The following NPC1 variants were observed in gnomAD, a reference collection of about 807,000 sequenced individuals.
NPC1 encodes the protein NPC intracellular cholesterol transporter 1.
Under a neutral mutation model 140.4 loss-of-function variants are expected in NPC1, and 85 were observed. The observed-to-expected ratio is 0.61, with a 90% CI of 0.51 to 0.72. The LOEUF (loss-of-function observed/expected upper bound fraction) is 0.72, where lower values mean the gene tolerates loss of function less well. Among genes scored for constraint, NPC1 ranks in the 30% least tolerant of loss-of-function variants. The pLI, the probability that NPC1 is intolerant of heterozygous loss-of-function variation, is 0.00. For synonymous variants in NPC1, 656 were observed against 624.8 expected (o/e 1.05, Z -0.74); for missense variants, 1,504 against 1,623.8 (o/e 0.93, Z 1.27).
At chr18:23,506,861 A>T in intron 3 of NPC1, 1 of 746,420 alleles carries the variant, frequency 1.3e-6, no homozygotes, top group Non-Finnish European at 2.3e-6. Flanking sequence ...TTAATTTTAG[A>T]CTAGAATTTG....
intron 17 of NPC1, 29 bp from the exon 18 acceptor site, chr18:23,540,030 A>T (rs751169230): frequency 1.1e-5 from 17 of 1,576,924 alleles, no homozygotes; most frequent in East Asian, 2.2e-5. Context: ...AATAGGAGAG[A>T]GTGTGAACAC....
intron 14 of NPC1, 94 bp from the exon 15 acceptor site, chr18:23,541,527 C>T (rs1221988747): frequency 1.7e-5 from 26 of 1,519,344 alleles, no homozygotes; most frequent in South Asian, 8.0e-5. Context: ...ATACAAGGAG[C>T]CAGCACAGGC....
Position 23,554,768 on chromosome 18 carries a change from A to G in NPC1, c.1543T>C (p.Tyr515His). ...TCTCTTGCCACTTACCGTACGCAGT[A>G]CAGAAAGTGCGTGTGGTAATCGGCA... The part of the protein sequence containing the change: ...VYADYHTHFL[Y>H]CVRAPASLND... Residue 515 changes from tyrosine (Y) to histidine (H), a missense_variant, in exon 9 of 25, where the codon TAC becomes CAC. Coordinates refer to ENST00000269228, the MANE Select transcript of NPC1 (RefSeq NM_000271.5). The G allele has an allele frequency of 6.2e-7, 1 of 1,613,330 alleles. No homozygotes were observed. The highest frequency in any genetic ancestry group is 8.5e-7 in the Non-Finnish European group (1 of 1,179,308).
At chr18:23,544,689 C>T (rs754158535) in intron 12 of NPC1, among the ~76,000 whole-genome samples, 163 bp from the exon 13 acceptor site, 19 of 152,132 alleles carry the variant, frequency 1.2e-4, no homozygotes, top group Admixed American at 3.9e-4. Context: ...TAGGTCTGCT[C>T]GGGCAACACA....
intron 3 of NPC1, among the ~76,000 whole-genome samples, chr18:23,508,452 C>T (rs371136014): frequency 1.3e-5 from 2 of 152,092 alleles, no homozygotes; most frequent in East Asian, 1.9e-4. Context: ...AATTTGTTGT[C>T]TTTGTCTTGT....
chr18:23,539,623 A>G (rs1056990623), intron 18 of NPC1, 153 bp from the exon 19 acceptor site: 3 of 793,160 alleles, frequency 3.8e-6, no homozygotes, highest in African/African-American at 1.7e-5. Flanking sequence ...AAAAGCCTTC[A>G]AAGTATTAGG....
rs1599030741 is a variant in NPC1, at chr18:23,584,456, T to C, written c.57+1831A>G. On this transcript the variant is annotated intron_variant, in intron 1 of 24. Coordinates refer to ENST00000269228, the MANE Select transcript of NPC1 (RefSeq NM_000271.5). ...AGACCTTGAAAAGGCCTCCAGGCAT[T>C]TTTGCAAGAGACTTACAACAAACCT... Among the ~76,000 whole-genome samples, 7 of 152,314 alleles carry C rather than the reference T, an allele frequency of 4.6e-5. 1 individual carries two copies. In the South Asian group the frequency reaches 1.4e-3, roughly 32 times the overall value.
intron 3 of NPC1, among the ~76,000 whole-genome samples, chr18:23,513,642 C>A (rs1299650442): frequency 6.6e-6 from 1 of 152,248 alleles, no homozygotes; most frequent in Non-Finnish European, 1.5e-5. Context: ...AGCAGTTACA[C>A]CATTTTGCAA....
At position 23,532,147 on chromosome 18, in the gene NPC1, G is replaced by C; in HGVS notation, c.*55C>G. 6.2e-7 allele frequency: 1 copy of C among 1,614,092 alleles called. No individual in the cohort carries two copies. The highest frequency in any genetic ancestry group is 1.1e-5 in the South Asian group (1 of 91,084). On this transcript the variant is annotated 3_prime_UTR_variant, in exon 25 of 25. Transcript: ENST00000269228. ...GCCTTGCCGATGCAGCACCCGTCCAGTGGTAAACCGACCGACCCTTAGACA... is the reference window on the plus strand; with the variant it reads ...GCCTTGCCGATGCAGCACCCGTCCACTGGTAAACCGACCGACCCTTAGACA...
At position 23,540,488 on chromosome 18, in the gene NPC1, T is replaced by C; in HGVS notation, c.2564A>G (p.Lys855Arg). 1 of 1,613,062 alleles carries C rather than the reference T, an allele frequency of 6.2e-7. No homozygotes were observed. The highest frequency in any genetic ancestry group is 8.5e-7 in the Non-Finnish European group (1 of 1,179,404). ...VLSFSIAVLN[K>R]VDIGLDQSLS... ...AGACTGATCCAATCCAATATCTACT[T>C]TGTTCAGGACTGCGATGCTGAATGA... The change falls in exon 17 of 25, where the codon AAA becomes AGA. Residue 855 changes from lysine to arginine, a missense_variant. Physicochemically the swap from Lys to Arg is conservative, Grantham distance 26. Coordinates refer to ENST00000269228, the MANE Select transcript of NPC1 (RefSeq NM_000271.5).
intron 19 of NPC1, 50 bp downstream of exon 19, chr18:23,539,305 T>C (rs1381814511): frequency 1.5e-6 from 2 of 1,336,926 alleles, no homozygotes; most frequent in South Asian, 1.2e-5. Context: ...TAAATGATAA[T>C]TTGAAAATTT....
chr18:23,513,489 GTGC>G (rs1351079648), intron 3 of NPC1, among the ~76,000 whole-genome samples: 3 of 152,236 alleles, frequency 2.0e-5, no homozygotes, highest in African/African-American at 7.2e-5. Flanking sequence ...ATTGTGAATA[GTGC>G]TGCTGTCAAT....
intron 4 of NPC1, among the ~76,000 whole-genome samples, chr18:23,562,182 G>C (rs545902262): frequency 6.6e-6 from 1 of 151,856 alleles, no homozygotes; most frequent in South Asian, 2.1e-4. Flanking sequence ...CCAGCTACTC[G>C]GGAGGCTGAG....
intron 9 of NPC1, among the ~76,000 whole-genome samples, chr18:23,554,458 T>G (rs1428080838): frequency 6.6e-6 from 1 of 151,904 alleles, no homozygotes; most frequent in African/African-American, 2.4e-5. Context: ...ATACAAAAAT[T>G]AGCTGGGCGT....
intron 19 of NPC1, chr18:23,538,977 A>G: frequency 2.2e-6 from 1 of 458,154 alleles, no homozygotes. Flanking sequence ...TTTTATTAAG[A>G]AAATTCCAGG....
At chr18:23,561,872 T>C (rs1021472404) in intron 4 of NPC1, among the ~76,000 whole-genome samples, 2 of 152,134 alleles carry the variant, frequency 1.3e-5, no homozygotes, top group African/African-American at 2.4e-5. Context: ...GCTAAGAGCC[T>C]CAGTACTTCT....
At chr18:23,516,636 T>C (rs1050345930) in intron 3 of NPC1, among the ~76,000 whole-genome samples, 1 of 152,220 alleles carries the variant, frequency 6.6e-6, no homozygotes, top group African/African-American at 2.4e-5. Flanking sequence ...AGCTTTGTGA[T>C]GCTAAGGAAT....
intron 3 of NPC1, among the ~76,000 whole-genome samples, chr18:23,571,394 C>T (rs537503854): frequency 6.6e-6 from 1 of 152,016 alleles, no homozygotes; most frequent in African/African-American, 2.4e-5. Context: ...TGGCTCATGC[C>T]TGTAATCCCA....
chr18:23,519,102 G>A (rs774197072), downstream of NPC1: 2 of 1,614,086 alleles, frequency 1.2e-6, no homozygotes, highest in Non-Finnish European at 1.7e-6. Context: ...ACATATTGAA[G>A]TTAAATAGGA....
Sources: gnomAD v4.1 joint callset for allele counts (sites outside exome capture counted in the v4.1 genomes callset) on GRCh38, gnomAD v4.1.1 for gene constraint, MANE v1.5 for transcripts, NCBI Gene and HGNC (gene_info 2026-07-23, HGNC 2026-07-21) for gene names.